TMED3: variants seen among roughly 807,000 people sequenced by gnomAD.
TMED3 encodes transmembrane p24 trafficking protein 3, also known as transmembrane emp24 domain-containing protein 3.
TMED3 carries 9 observed loss-of-function variants against 15.0 expected under a neutral mutation model. The ratio of observed to expected loss-of-function variants is 0.60; its 90% CI spans 0.36 to 1.04. The LOEUF (loss-of-function observed/expected upper bound fraction) is 1.04. Ranked by LOEUF, TMED3 falls within the 50% of genes least tolerant of loss-of-function variation. The pLI, the probability that TMED3 is intolerant of heterozygous loss-of-function variation, is 0.01. For synonymous variants in TMED3, 117 were observed against 121.4 expected (o/e 0.96, Z 0.24); for missense variants, 267 against 278.9 (o/e 0.96, Z 0.30).
intron 2 of TMED3, among the ~76,000 whole-genome samples, chr15:79,385,206 A>C (rs1220791274): frequency 6.6e-6 from 1 of 152,116 alleles, no homozygotes; most frequent in Non-Finnish European, 1.5e-5. Flanking sequence ...AACTGTGTGG[A>C]GTCTTGGCAG....
intron 2 of TMED3, among the ~76,000 whole-genome samples, chr15:79,331,542 C>CAAAAAAAAAAAAAAAAAAGAAAAAAAAA (rs2058808634): frequency 2.2e-5 from 2 of 89,288 alleles, no homozygotes; most frequent in Non-Finnish European, 4.1e-5. Context: ...GCAAAAGAAG[C>CAAAAAAAAAAAAAAAAAAGAAAAAAAAA]AAAAAAAAAA....
chr15:79,405,407 A>G (rs1283752581), intron 2 of TMED3, among the ~76,000 whole-genome samples: 1 of 152,198 alleles, frequency 6.6e-6, no homozygotes. Context: ...GCTTGGACCT[A>G]TTAGAGAATC....
At chr15:79,391,326 A>G (rs1893692181) in intron 2 of TMED3, among the ~76,000 whole-genome samples, 1 of 151,800 alleles carries the variant, frequency 6.6e-6, no homozygotes, top group African/African-American at 2.4e-5. Flanking sequence ...TTTGTTTTTG[A>G]CCCAGTGATC....
At chr15:79,327,578 A>G (rs1056929615), downstream of TMED3, among the ~76,000 whole-genome samples, 1 of 152,254 alleles carries the variant, frequency 6.6e-6, no homozygotes, top group African/African-American at 2.4e-5. Flanking sequence ...CTGCTGTTTG[A>G]TCCTGTATGC....
At chr15:79,337,656 G>A (rs1337627098) in intron 2 of TMED3, among the ~76,000 whole-genome samples, 2 of 151,974 alleles carry the variant, frequency 1.3e-5, no homozygotes, top group South Asian at 2.1e-4. Flanking sequence ...ATAAGATATC[G>A]ATCACACACT....
intron 2 of TMED3, among the ~76,000 whole-genome samples, chr15:79,358,174 C>T (rs1027808230): frequency 6.6e-6 from 1 of 152,132 alleles, no homozygotes; most frequent in Non-Finnish European, 1.5e-5. Flanking sequence ...CACTGGATAG[C>T]GCAGTGAGCA....
At chr15:79,370,758 G>C (rs1466692175) in intron 2 of TMED3, among the ~76,000 whole-genome samples, 1 of 152,174 alleles carries the variant, frequency 6.6e-6, no homozygotes, top group Non-Finnish European at 1.5e-5. Context: ...TTTTGAGTCT[G>C]TGAGCTCTTA....
intron 2 of TMED3, among the ~76,000 whole-genome samples, chr15:79,314,388 T>C (rs2058731735): frequency 6.6e-6 from 1 of 152,248 alleles, no homozygotes; most frequent in Non-Finnish European, 1.5e-5. Context: ...CACAAGGTGC[T>C]GTAACAAAAT....
intron 2 of TMED3, among the ~76,000 whole-genome samples, chr15:79,364,598 A>G (rs540785027): frequency 6.6e-6 from 1 of 151,952 alleles, no homozygotes; most frequent in East Asian, 1.9e-4. Flanking sequence ...ATAAACCCTG[A>G]ACCCCAGGTT....
chr15:79,407,040 C>T (rs1182712528), intron 2 of TMED3, among the ~76,000 whole-genome samples: 1 of 152,200 alleles, frequency 6.6e-6, no homozygotes, highest in Non-Finnish European at 1.5e-5. Context: ...AAGCCTCTTT[C>T]ACGTGTTTCC....
At chr15:79,375,029 A>G (rs1893401026) in intron 2 of TMED3, among the ~76,000 whole-genome samples, 1 of 152,200 alleles carries the variant, frequency 6.6e-6, no homozygotes, top group African/African-American at 2.4e-5. Flanking sequence ...ATGTCTTCAC[A>G]ATGCTAGATA....
chr15:79,410,452 G>A (rs531242348), intron 2 of TMED3, among the ~76,000 whole-genome samples: 2 of 149,916 alleles, frequency 1.3e-5, no homozygotes, highest in South Asian at 2.1e-4. Context: ...CAGCTGTGAT[G>A]TGGCCAGCAA....
At chr15:79,381,675 TC>T in intron 2 of TMED3, among the ~76,000 whole-genome samples, 1 of 152,192 alleles carries the variant, frequency 6.6e-6, no homozygotes, top group South Asian at 2.1e-4. Context: ...TTGGAGCCAC[TC>T]TCACCTGGCT....
exon 3 of TMED3, chr15:79,412,231 G>A (rs1342900003): frequency 6.6e-6 from 1 of 152,206 alleles, no homozygotes; most frequent in Non-Finnish European, 1.5e-5. Flanking sequence ...ATCACTGCTG[G>A]TGCACATGTG....
rs1893662804 is a variant in TMED3, at chr15:79,388,937, T to C, written c.418-22463T>C. 5.3e-5 allele frequency among the ~76,000 whole-genome samples: 8 copies of C among 149,796 alleles called. No individual in the cohort carries two copies. In the Admixed American group the frequency reaches 5.4e-4, roughly 10 times the overall value. On this transcript the variant is annotated intron_variant, in intron 2 of 2. Transcript: ENST00000424155. ...GTCCTTAGCCCACTTTTTGATGAGATTGTTTTTTTTCTTACTGATTTGTTT... is the reference window on the plus strand; with the variant it reads ...GTCCTTAGCCCACTTTTTGATGAGACTGTTTTTTTTCTTACTGATTTGTTT...
intron 2 of TMED3, among the ~76,000 whole-genome samples, chr15:79,388,538 G>A (rs1369807835): frequency 6.6e-6 from 1 of 151,916 alleles, no homozygotes; most frequent in Admixed American, 6.6e-5. Context: ...TTTTGCAATT[G>A]CAAATTGTTC....
chr15:79,331,443 T>C (rs756015151), intron 2 of TMED3, among the ~76,000 whole-genome samples: 4 of 150,224 alleles, frequency 2.7e-5, no homozygotes, highest in Non-Finnish European at 4.4e-5. Flanking sequence ...AGACCCCAAA[T>C]GTTAAAACTA....
intron 2 of TMED3, among the ~76,000 whole-genome samples, chr15:79,369,441 A>G (rs1280583552): frequency 6.6e-6 from 1 of 152,188 alleles, no homozygotes; most frequent in Non-Finnish European, 1.5e-5. Context: ...CTGCTTTTTA[A>G]AAGTGCCCAC....
At chr15:79,404,523 T>G (rs1350604385) in intron 2 of TMED3, among the ~76,000 whole-genome samples, 1 of 110,704 alleles carries the variant, frequency 9.0e-6, no homozygotes, top group African/African-American at 3.3e-5. Context: ...AGGTGAATGC[T>G]TCCTTTGCCG....
Sources: gnomAD v4.1 joint callset for allele counts (sites outside exome capture counted in the v4.1 genomes callset) on GRCh38, gnomAD v4.1.1 for gene constraint, MANE v1.5 for transcripts, NCBI Gene and HGNC (gene_info 2026-07-23, HGNC 2026-07-21) for gene names.